Variants in PDC observed in about 807,000 individuals in gnomAD.
PDC encodes phosducin, also known as 33 kDa phototransducing protein.
Under a neutral mutation model 22.2 loss-of-function variants are expected in PDC, and 19 were observed. That is an observed-to-expected ratio of 0.86 (90% CI 0.60 to 1.26). The LOEUF is 1.26. Among genes scored for constraint, PDC ranks in the 50% most tolerant of loss-of-function variants. The pLI is 0.00. For missense variants in PDC, 274 were observed against 286.8 expected, an observed-to-expected ratio of 0.96 and a Z score of 0.32; for synonymous variants, 97 against 96.2, an observed-to-expected ratio of 1.01 and a Z score of -0.05.
Position 186,444,376 on chromosome 1 carries a change from T to C in PDC, c.344A>G (p.Tyr115Cys). The change falls in exon 4 of 4, where the codon TAT becomes TGT. Residue 115 changes from tyrosine (Y) to cysteine (C), a missense_variant. By Grantham distance (194) the Tyr-to-Cys change is radical. Transcript: ENST00000391997. ...LSFGPRYGFV[Y>C]ELETGKQFLE... ...GAATTGCTTTCCAGTTTCCAGCTCATACACAAACCCATATCTAGGCCCAAA... is the reference window on the plus strand; with the variant it reads ...GAATTGCTTTCCAGTTTCCAGCTCACACACAAACCCATATCTAGGCCCAAA... The C allele has an allele frequency of 1.2e-6, 2 of 1,614,134 alleles. No individual in the cohort carries two copies. Among genetic ancestry groups the C allele is most frequent in the South Asian group, 2.2e-5 (2 of 91,080 alleles).
At chr1:186,455,180 G>A (rs544565585) in intron 1 of PDC, among the ~76,000 whole-genome samples, 3 of 152,040 alleles carry the variant, frequency 2.0e-5, no homozygotes, top group African/African-American at 7.3e-5. Flanking sequence ...TTCTGGTGCC[G>A]GCCTTCTTCC....
rs549950221 is a variant in PDC, at chr1:186,454,804, C to T, written c.-24-5321G>A. 2.1e-4 allele frequency among the ~76,000 whole-genome samples: 32 copies of T among 152,248 alleles called. No homozygotes were observed. The South Asian group carries it at 3.3e-3, about 16-fold the overall frequency. On this transcript the variant is annotated intron_variant, in intron 1 of 3. Transcript: ENST00000391997. ...CATATCAACCAATAAAAAAATTAAT[C>T]CTATATTCCAAACAATAGTATTTGA...
chr1:186,460,516 TCTGA>T (rs1662561480), intron 1 of PDC, among the ~76,000 whole-genome samples: 2 of 152,228 alleles, frequency 1.3e-5, no homozygotes, highest in Non-Finnish European at 2.9e-5. Context: ...ATGGTTAACC[TCTGA>T]CTGTGTCTAA....
At position 186,449,437 on chromosome 1, in the gene PDC, C is replaced by T; in HGVS notation, c.23G>A (p.Ser8Asn). The T allele has an allele frequency of 6.2e-7, 1 of 1,607,506 alleles. No homozygotes were observed. The highest frequency in any genetic ancestry group is 8.5e-7 in the Non-Finnish European group (1 of 1,175,282). ...CTGTCCTTCAAAGTCTTCCTCCAAA[C>T]TTTGGCTTTTGGCTTCTTCCATTTT... Reference protein sequence around the residue: MEEAKSQSLEEDFEGQAT... With the variant: MEEAKSQNLEEDFEGQAT... Residue 8 changes from serine (S) to asparagine (N), a missense_variant, in exon 2 of 4, where the codon AGT becomes AAT. By Grantham distance (46) the Ser-to-Asn change is conservative. Transcript: ENST00000391997.
intron 1 of PDC, among the ~76,000 whole-genome samples, chr1:186,456,289 A>G (rs1662471020): frequency 6.6e-6 from 1 of 152,056 alleles, no homozygotes; most frequent in African/African-American, 2.4e-5. Flanking sequence ...TTCCACACAG[A>G]GAAAAAATAT....
rs1236875781 is a variant in PDC, at chr1:186,456,010, T to A, written c.-25+5049A>T. ...AAAAAAAAAAATATATATATATATA[T>A]ATATATATATATATATGCATGCCAG... On this transcript the variant is annotated intron_variant, in intron 1 of 3. Transcript: ENST00000391997. 3.7e-3 allele frequency among the ~76,000 whole-genome samples: 443 copies of A among 120,886 alleles called. 2 individuals carry two copies. The highest frequency in any genetic ancestry group is 8.9e-3 in the Middle Eastern group (2 of 224). The allele number at this position is 120,886 out of a possible 152,430, so 79.3% of individuals were successfully genotyped here.
At chr1:186,444,578 A>AT (rs1241864493) in intron 3 of PDC, 72 bp from the exon 4 acceptor site, 104 of 1,001,566 alleles carry the variant, frequency 1.0e-4, no homozygotes, top group Middle Eastern at 8.7e-4. Context: ...GCCCATTCTC[A>AT]ACCGAAGGAG....
At chr1:186,460,900 C>T (rs1029292743) in intron 1 of PDC, among the ~76,000 whole-genome samples, 159 bp downstream of exon 1, 19 of 152,286 alleles carry the variant, frequency 1.2e-4, no homozygotes, top group Admixed American at 5.2e-4. Flanking sequence ...GAGAAGGATA[C>T]GCTGTATTTA....
intron 1 of PDC, among the ~76,000 whole-genome samples, chr1:186,459,082 A>G (rs1662526591): frequency 6.6e-6 from 1 of 152,174 alleles, no homozygotes; most frequent in Admixed American, 6.5e-5. Context: ...GAATCGCTTG[A>G]ACCTGGGAGG....
At chr1:186,455,281 C>T (rs898797923) in intron 1 of PDC, among the ~76,000 whole-genome samples, 2 of 152,124 alleles carry the variant, frequency 1.3e-5, no homozygotes, top group Non-Finnish European at 2.9e-5. Flanking sequence ...TCTATGGGAT[C>T]AGAGCCATAC....
intron 1 of PDC, among the ~76,000 whole-genome samples, chr1:186,451,451 A>G (rs1337324581): frequency 6.6e-6 from 1 of 152,172 alleles, no homozygotes. Context: ...TCGAAAGAAA[A>G]CTACAAAACA....
At chr1:186,447,429 G>A (rs894697000) in intron 2 of PDC, among the ~76,000 whole-genome samples, 2 of 152,138 alleles carry the variant, frequency 1.3e-5, no homozygotes, top group Non-Finnish European at 2.9e-5. Context: ...GATTACAAGT[G>A]TGAGCCACTG....
chr1:186,454,891 A>C (rs1662427912), intron 1 of PDC, among the ~76,000 whole-genome samples: 1 of 152,236 alleles, frequency 6.6e-6, no homozygotes, highest in Admixed American at 6.5e-5. Context: ...ATCAATTTCT[A>C]AAATAAGTCT....
intron 1 of PDC, among the ~76,000 whole-genome samples, chr1:186,457,208 C>T (rs1025341863): frequency 6.6e-6 from 1 of 152,196 alleles, no homozygotes; most frequent in African/African-American, 2.4e-5. Context: ...AGAATATCTT[C>T]CCCAATGTCA....
chr1:186,457,392 C>T (rs1479239832), intron 1 of PDC, among the ~76,000 whole-genome samples: 1 of 152,046 alleles, frequency 6.6e-6, no homozygotes, highest in Non-Finnish European at 1.5e-5. Context: ...GATTTTATGC[C>T]TCATAACAAT....
At position 186,444,291 on chromosome 1, in the gene PDC, A is replaced by G. The variant is rs1662172995; in HGVS notation, c.429T>C (p.Asp143=). ...TTAGAGCATCACAACCCTTAATACCATCTTCATAAATGTGAACAACAATTG... is the reference window on the plus strand; with the variant it reads ...TTAGAGCATCACAACCCTTAATACCGTCTTCATAAATGTGAACAACAATTG... ...ITTIVVHIYE[D]GIKGCDALNS... Residue 143 remains aspartate, a synonymous_variant, in exon 4 of 4, where the codon GAT becomes GAC. Coordinates refer to ENST00000391997, the MANE Select transcript of PDC (RefSeq NM_002597.5). The G allele has an allele frequency of 2.5e-6, 4 of 1,613,772 alleles. No individual in the cohort carries two copies. Among genetic ancestry groups the G allele is most frequent in the Admixed American group, 1.7e-5 (1 of 59,994 alleles).
intron 1 of PDC, among the ~76,000 whole-genome samples, chr1:186,459,752 G>GTGTATATATATATATATGTA (rs1299957095): frequency 8.9e-6 from 1 of 112,084 alleles, no homozygotes; most frequent in African/African-American, 3.2e-5. Flanking sequence ...GTGTGTGTGT[G>GTGTATATATATATATATGTA]TATATATATA....
intron 2 of PDC, 77 bp from the exon 3 acceptor site, chr1:186,446,654 G>A (rs1571720605): frequency 2.4e-6 from 2 of 845,174 alleles, no homozygotes; most frequent in East Asian, 2.6e-5. Context: ...ATTTGTGTAA[G>A]TATTGTCATG....
intron 1 of PDC, among the ~76,000 whole-genome samples, chr1:186,456,666 G>A (rs1010406891): frequency 5.3e-5 from 8 of 151,716 alleles, no homozygotes; most frequent in Admixed American, 1.3e-4. Context: ...TTTTTCTTTC[G>A]TTTACATGAG....
Sources: gnomAD v4.1 joint callset for allele counts (sites outside exome capture counted in the v4.1 genomes callset) on GRCh38, gnomAD v4.1.1 for gene constraint, MANE v1.5 for transcripts, NCBI Gene and HGNC (gene_info 2026-07-23, HGNC 2026-07-21) for gene names.